ANO4: variants seen among roughly 807,000 people sequenced by gnomAD.
ANO4 encodes anoctamin 4, also known as anoctamin-4.
A neutral mutation model predicts 141.9 loss-of-function variants in ANO4; 69 were observed. That is an observed-to-expected ratio of 0.49 (90% CI 0.40 to 0.59). The LOEUF is 0.59. Ranked by LOEUF, ANO4 falls within the 20% of genes least tolerant of loss-of-function variation. The pLI is 0.00. For synonymous variants in ANO4, 350 were observed against 394.3 expected (o/e 0.89, Z 1.33); for missense variants, 894 against 1,162.2 (o/e 0.77, Z 3.36).
chr12:101,115,052 T>C (rs1358296555), intron 24 of ANO4, among the ~76,000 whole-genome samples: 1 of 152,140 alleles, frequency 6.6e-6, no homozygotes, highest in Non-Finnish European at 1.5e-5. Flanking sequence ...TTTGGTTTAG[T>C]GTTCAGCAGC....
intron 3 of ANO4, among the ~76,000 whole-genome samples, chr12:100,761,249 A>G (rs1225944451): frequency 6.6e-6 from 1 of 152,202 alleles, no homozygotes; most frequent in African/African-American, 2.4e-5. Context: ...CTTAAGCCCC[A>G]GGCCTATGTC....
At chr12:100,729,751 G>T (rs1287573561) in intron 1 of ANO4, among the ~76,000 whole-genome samples, 1 of 152,190 alleles carries the variant, frequency 6.6e-6, no homozygotes, top group Non-Finnish European at 1.5e-5. Flanking sequence ...CAGTAGGTAA[G>T]AATACCTTCC....
chr12:101,094,173 AT>A, intron 17 of ANO4, 82 bp from the exon 18 acceptor site: 2 of 1,096,662 alleles, frequency 1.8e-6, no homozygotes, highest in Non-Finnish European at 2.8e-6. Context: ...TTGACTCGTG[AT>A]TTGACTCCCT....
intron 8 of ANO4, among the ~76,000 whole-genome samples, chr12:100,988,229 G>A (rs2044816060): frequency 1.3e-5 from 2 of 152,164 alleles, no homozygotes; most frequent in East Asian, 1.9e-4. Flanking sequence ...TGACATGGGG[G>A]GAGGAAAAAC....
chr12:101,116,610 G>A, intron 24 of ANO4, 69 bp from the exon 25 acceptor site: 2 of 1,607,298 alleles, frequency 1.2e-6, no homozygotes, highest in African/African-American at 2.7e-5. Flanking sequence ...TGGGAAGCAG[G>A]GTCTTCAGGG....
chr12:101,061,088 C>A (rs1200466963), intron 14 of ANO4, among the ~76,000 whole-genome samples: 1 of 152,194 alleles, frequency 6.6e-6, no homozygotes, highest in Non-Finnish European at 1.5e-5. Context: ...GTGACAAAAT[C>A]TCTCAGCATT....
intron 1 of ANO4, among the ~76,000 whole-genome samples, chr12:100,843,832 A>G (rs901476057): frequency 2.0e-5 from 3 of 152,186 alleles, no homozygotes; most frequent in Admixed American, 6.5e-5. Flanking sequence ...GAAATATACA[A>G]TGAGTTGTTC....
intron 9 of ANO4, among the ~76,000 whole-genome samples, chr12:101,023,450 T>C (rs1418726881): frequency 6.6e-6 from 1 of 152,126 alleles, no homozygotes; most frequent in Non-Finnish European, 1.5e-5. Context: ...GCAGGAGGAT[T>C]GCTTGAGCCC....
intron 1 of ANO4, among the ~76,000 whole-genome samples, chr12:100,801,258 G>A (rs139841655): frequency 6.6e-6 from 1 of 152,104 alleles, no homozygotes; most frequent in African/African-American, 2.4e-5. Context: ...AAAACCTATG[G>A]TGCTGTCATT....
chr12:100,932,137 T>C lies in ANO4; in HGVS notation c.161-7178T>C, dbSNP rs17030781. On this transcript the variant is annotated intron_variant, in intron 3 of 27. Coordinates refer to ENST00000392977, the MANE Select transcript of ANO4 (RefSeq NM_001286615.2). ...ATGAATATAGATACTTGGATTATGC[T>C]GCAAAGCCCTCTTCTGTCTTCTTCA... Among the ~76,000 whole-genome samples, 1,374 of 152,176 alleles carry C rather than the reference T, an allele frequency of 9.0e-3. 27 individuals are homozygous for C. The highest frequency in any genetic ancestry group is 0.032 in the African/African-American group (1,309 of 41,532).
intron 1 of ANO4, chr12:100,733,693 A>G (rs1028477008): frequency 1.9e-5 from 12 of 635,422 alleles, no homozygotes; most frequent in Non-Finnish European, 3.1e-5. Context: ...TGGTTTATTT[A>G]CCACCAGTCA....
intron 9 of ANO4, among the ~76,000 whole-genome samples, chr12:101,036,149 G>A (rs1175278273): frequency 6.6e-6 from 1 of 152,086 alleles, no homozygotes; most frequent in Non-Finnish European, 1.5e-5. Flanking sequence ...TCAAAACCAC[G>A]GTGAAGTATC....
intron 3 of ANO4, among the ~76,000 whole-genome samples, chr12:100,776,878 G>A (rs1216936111): frequency 6.6e-6 from 1 of 152,144 alleles, no homozygotes; most frequent in African/African-American, 2.4e-5. Flanking sequence ...GTGCAAGAGT[G>A]ACAGAATATG....
intron 2 of ANO4, among the ~76,000 whole-genome samples, chr12:100,738,986 G>A (rs1289204717): frequency 6.7e-6 from 1 of 148,216 alleles, no homozygotes; most frequent in Non-Finnish European, 1.5e-5. Context: ...GGTAATCACC[G>A]GTCCACTCTT....
At chr12:100,893,995 G>T (rs1290060057) in intron 1 of ANO4, among the ~76,000 whole-genome samples, 1 of 152,146 alleles carries the variant, frequency 6.6e-6, no homozygotes, top group Admixed American at 6.5e-5. Context: ...TACCCTTTCT[G>T]ATCTATAAAT....
At chr12:101,037,997 A>T (rs1301978545) in intron 10 of ANO4, among the ~76,000 whole-genome samples, 1 of 146,806 alleles carries the variant, frequency 6.8e-6, no homozygotes, top group East Asian at 2.0e-4. Context: ...GTAAATGGCA[A>T]GTCTTTCCAA....
intron 14 of ANO4, among the ~76,000 whole-genome samples, chr12:101,075,718 T>G (rs200752934): frequency 5.9e-5 from 5 of 85,004 alleles, no homozygotes; most frequent in South Asian, 4.1e-4. Context: ...ATAAAACAAA[T>G]ATATATATCT....
chr12:100,850,563 A>G (rs1348410088), intron 1 of ANO4, among the ~76,000 whole-genome samples: 1 of 152,204 alleles, frequency 6.6e-6, no homozygotes, highest in Non-Finnish European at 1.5e-5. Context: ...AATACTTATT[A>G]TGAACAATGA....
At chr12:100,780,197 T>C (rs1398976823) in intron 3 of ANO4, among the ~76,000 whole-genome samples, 2 of 152,104 alleles carry the variant, frequency 1.3e-5, no homozygotes, top group Non-Finnish European at 2.9e-5. Context: ...TAAAATTTCT[T>C]AGACAGATGA....
Sources: allele counts gnomAD v4.1 joint callset (sites outside exome capture counted in the v4.1 genomes callset), GRCh38; gene constraint gnomAD v4.1.1; transcripts MANE v1.5; gene names NCBI Gene and HGNC (gene_info 2026-07-23, HGNC 2026-07-21).